The following LRP1B variants were observed in gnomAD, a reference collection of about 807,000 sequenced individuals.
LRP1B encodes low-density lipoprotein receptor-related protein 1B.
In LRP1B, 217 loss-of-function variants were observed where a neutral mutation model predicts 556.6. The ratio of observed to expected loss-of-function variants is 0.39; its 90% CI spans 0.35 to 0.44. The LOEUF is 0.44. LRP1B is among the 20% of genes least tolerant of loss of function. LRP1B has a pLI of 1.00. For missense variants in LRP1B, 5,053 were observed against 5,620.8 expected (o/e 0.90, Z 3.23); for synonymous variants, 2,047 against 1,865.8 (o/e 1.10, Z -2.50).
In LRP1B at chr2:141,753,282, A is replaced by ATATATATATATATATATATATATATC. The variant is rs1393990033; in HGVS notation, c.205+56996_205+56997insGATATATATATATATATATATATATA. On this transcript the variant is annotated intron_variant, in intron 2 of 90. Transcript: ENST00000389484. ...TCTCTCCATATATATATATATATAT[A>ATATATATATATATATATATATATATC]TCCCAGATGATTCCCATGTGCAGCC... 5.1e-5 allele frequency among the ~76,000 whole-genome samples: 7 copies of ATATATATATATATATATATATATATC among 136,062 alleles called. No homozygotes were observed. In the East Asian group the frequency reaches 1.5e-3, roughly 29 times the overall value. 89.3% of individuals were successfully genotyped at this position (136,062 alleles called of 152,430 possible).
intron 43 of LRP1B, among the ~76,000 whole-genome samples, chr2:140,584,746 A>C (rs1485844): frequency 1.9e-4 from 29 of 152,276 alleles, no homozygotes; most frequent in South Asian, 8.3e-4. Flanking sequence ...ATGTGGACTT[A>C]AATCAAAGGA....
chr2:141,729,562 A>G (rs143898562), intron 2 of LRP1B, among the ~76,000 whole-genome samples: 28 of 152,274 alleles, frequency 1.8e-4, no homozygotes, highest in African/African-American at 6.5e-4. Flanking sequence ...ATTGGCTAAC[A>G]ATATCATTTT....
At position 140,830,748 on chromosome 2, in the gene LRP1B, C is replaced by A. The variant is rs1463354922; in HGVS notation, c.5209+9243G>T. Among the ~76,000 whole-genome samples the A allele has an allele frequency of 2.6e-5, 4 of 151,942 alleles. No individual in the cohort carries two copies. The East Asian group carries it at 7.7e-4, about 29-fold the overall frequency. On this transcript the variant is annotated intron_variant, in intron 31 of 90. Transcript: ENST00000389484. The stretch of plus-strand genomic sequence containing the variant: ...TTCAACATAGTACTGGACGTCCTAG[C>A]AAACTAGAAAGGAAGAAGGCAAATT...
At position 140,509,939 on chromosome 2, in the gene LRP1B, G is replaced by A. The variant is rs369363007; in HGVS notation, c.8387C>T (p.Thr2796Ile). 1 of 1,613,612 alleles carries A rather than the reference G, an allele frequency of 6.2e-7. No homozygotes were observed. Among genetic ancestry groups the A allele is most frequent in the African/African-American group, 1.3e-5 (1 of 74,920 alleles). ...DCPDGSDELS[T>I]AGCAPNNTCD... ...GCCAGTGTTCATACCGCAGCCTGCT[G>A]TGGAAAGCTCATCGCTTCCATCTGG... Residue 2796 changes from threonine (T) to isoleucine (I), a missense_variant, in exon 52 of 91, where the codon ACA becomes ATA. This residue lies in a region of LRP1B where 3,619 missense variants were observed against 3,931.9 expected (regional missense o/e 0.92). Coordinates refer to ENST00000389484, the MANE Select transcript of LRP1B (RefSeq NM_018557.3).
chr2:141,279,088 C>A (rs1339174482), intron 3 of LRP1B, among the ~76,000 whole-genome samples: 8 of 152,030 alleles, frequency 5.3e-5, no homozygotes, highest in Non-Finnish European at 2.9e-5. Flanking sequence ...TACTTTATAA[C>A]ATCTCTGATT....
At chr2:141,499,412 C>A (rs1192245151) in intron 2 of LRP1B, among the ~76,000 whole-genome samples, 1 of 152,100 alleles carries the variant, frequency 6.6e-6, no homozygotes, top group Non-Finnish European at 1.5e-5. Flanking sequence ...CTTACTTGTT[C>A]ACATTGGCCC....
At chr2:140,817,340 TTTAAA>T (rs1691158765) in intron 31 of LRP1B, among the ~76,000 whole-genome samples, 1 of 151,998 alleles carries the variant, frequency 6.6e-6, no homozygotes, top group African/African-American at 2.4e-5. Flanking sequence ...TAAGTCACTA[TTTAAA>T]TTAAGAAAAA....
At chr2:141,467,091 C>CATAT (rs879850128) in intron 3 of LRP1B, among the ~76,000 whole-genome samples, 6 of 108,268 alleles carry the variant, frequency 5.5e-5, no homozygotes, top group African/African-American at 2.1e-4. Flanking sequence ...CACACACACA[C>CATAT]ATATATATGT....
chr2:141,078,351 C>G (rs1204213249), intron 7 of LRP1B, among the ~76,000 whole-genome samples: 2 of 152,070 alleles, frequency 1.3e-5, no homozygotes, highest in Non-Finnish European at 2.9e-5. Flanking sequence ...CACAGAATTT[C>G]AGTCCTGCAG....
intron 82 of LRP1B, among the ~76,000 whole-genome samples, chr2:140,321,498 A>T (rs536307546): frequency 6.6e-6 from 1 of 152,112 alleles, no homozygotes; most frequent in South Asian, 2.1e-4. Context: ...GTAGTATTGT[A>T]AGTCCCATTT....
chr2:141,127,454 G>T (rs1701243812), intron 7 of LRP1B, among the ~76,000 whole-genome samples: 1 of 152,070 alleles, frequency 6.6e-6, no homozygotes, highest in Non-Finnish European at 1.5e-5. Context: ...GTTTATTGCA[G>T]CACTATTCAC....
At chr2:141,064,789 A>C (rs2105472815) in intron 7 of LRP1B, among the ~76,000 whole-genome samples, 1 of 152,098 alleles carries the variant, frequency 6.6e-6, no homozygotes, top group African/African-American at 2.4e-5. Context: ...GTGGAGGCAT[A>C]GCTGTATTAC....
At chr2:141,538,123 C>A (rs191737656) in intron 2 of LRP1B, among the ~76,000 whole-genome samples, 1 of 152,048 alleles carries the variant, frequency 6.6e-6, no homozygotes, top group East Asian at 1.9e-4. Flanking sequence ...TGCATATATG[C>A]GTACATTCAT....
chr2:141,052,689 CCATTTTGCTAATA>C (rs1431333757), intron 10 of LRP1B, among the ~76,000 whole-genome samples: 2 of 151,904 alleles, frequency 1.3e-5, no homozygotes, highest in Non-Finnish European at 1.5e-5. Flanking sequence ...TTTACAGCAC[CCATTTTGCTAATA>C]TCTCAGCTTA....
At chr2:141,314,857 C>CAT (rs563704783) in intron 3 of LRP1B, among the ~76,000 whole-genome samples, 5,618 of 88,216 alleles carry the variant, frequency 0.064, 137 homozygotes, top group South Asian at 0.14. Context: ...CATATATATA[C>CAT]ATATATATAC....
chr2:141,251,182 A>T (rs1684248050), intron 4 of LRP1B, among the ~76,000 whole-genome samples: 1 of 152,182 alleles, frequency 6.6e-6, no homozygotes, highest in Admixed American at 6.6e-5. Context: ...ATCATAAAGA[A>T]TATAGAAGCT....
At chr2:141,778,709 G>T (rs1292387120) in intron 2 of LRP1B, among the ~76,000 whole-genome samples, 4 of 152,148 alleles carry the variant, frequency 2.6e-5, no homozygotes, top group African/African-American at 9.7e-5. Context: ...ACATTATTTT[G>T]CCTCCTACAC....
At chr2:141,430,424 A>ATT (rs1399179176) in intron 3 of LRP1B, among the ~76,000 whole-genome samples, 1 of 152,174 alleles carries the variant, frequency 6.6e-6, no homozygotes, top group Non-Finnish European at 1.5e-5. Flanking sequence ...TTTTAAAATA[A>ATT]TTAATGGGCT....
intron 79 of LRP1B, among the ~76,000 whole-genome samples, chr2:140,328,492 ATGAAG>A (rs979299470): frequency 4.3e-4 from 65 of 151,730 alleles, no homozygotes; most frequent in African/African-American, 1.4e-3. Context: ...AAAAAAGAAA[ATGAAG>A]AAAACAAAAT....
Sources: gnomAD v4.1 joint callset for allele counts (sites outside exome capture counted in the v4.1 genomes callset) on GRCh38, gnomAD v4.1.1 for gene constraint, gnomAD v4.1.1 regional missense constraint, MANE v1.5 for transcripts, NCBI Gene and HGNC (gene_info 2026-07-23, HGNC 2026-07-21) for gene names.